KCNMA1: variants seen among roughly 807,000 people sequenced by gnomAD.
KCNMA1 encodes Calcium-activated potassium channel subunit alpha-1.
In KCNMA1, 29 loss-of-function variants were observed where a neutral mutation model predicts 140.0. The observed-to-expected ratio is 0.21, with a 90% CI of 0.15 to 0.28. The LOEUF (loss-of-function observed/expected upper bound fraction) is 0.28. Ranked by LOEUF, KCNMA1 falls within the 10% of genes least tolerant of loss-of-function variation. The pLI, the probability that KCNMA1 is intolerant of heterozygous loss-of-function variation, is 1.00. For missense variants in KCNMA1, 880 were observed against 1,602.2 expected, an observed-to-expected ratio of 0.55 and a Z score of 7.70; for synonymous variants, 612 against 611.9, an observed-to-expected ratio of 1.00 and a Z score of 0.00.
intron 2 of KCNMA1, among the ~76,000 whole-genome samples, chr10:77,256,974 T>G (rs2060907783): frequency 6.6e-6 from 1 of 152,124 alleles, no homozygotes; most frequent in African/African-American, 2.4e-5. Context: ...CCAGGCATGA[T>G]AGCATGTGCC....
intron 9 of KCNMA1, among the ~76,000 whole-genome samples, chr10:77,101,340 T>C (rs951575757): frequency 1.3e-5 from 2 of 152,208 alleles, no homozygotes; most frequent in Non-Finnish European, 2.9e-5. Flanking sequence ...TTGTTTTCCC[T>C]GTTCCCAAGA....
At chr10:77,279,124 T>C (rs973736098) in intron 2 of KCNMA1, among the ~76,000 whole-genome samples, 1 of 152,202 alleles carries the variant, frequency 6.6e-6, no homozygotes, top group African/African-American at 2.4e-5. Flanking sequence ...AAGAATCTCA[T>C]TAAGCTTCGA....
rs906211892 is a variant in KCNMA1 at position 77,063,911 on chromosome 10, T to G, written c.1749+9186A>C. 7 of 985,316 alleles carry G rather than the reference T, an allele frequency of 7.1e-6. No individual in the cohort carries two copies. The African/African-American group carries it at 1.2e-4, about 17-fold the overall frequency. The allele number at this position is 985,316 out of a possible 1,614,324, so 61.0% of individuals were successfully genotyped here. On this transcript the variant is annotated intron_variant, in intron 14 of 27. Transcript: ENST00000286628. ...GATGCTTGGCCAGAGGCTTGTTCAA[T>G]AAGATGGCTCTTATTTCACATCAGT...
intron 29 of KCNMA1, among the ~76,000 whole-genome samples, chr10:76,878,913 C>G (rs994112646): frequency 6.6e-6 from 1 of 152,130 alleles, no homozygotes; most frequent in African/African-American, 2.4e-5. Flanking sequence ...ATATGCCTCA[C>G]TTTAGTGGCT....
At chr10:77,175,983 T>G (rs2098748721) in intron 5 of KCNMA1, among the ~76,000 whole-genome samples, 1 of 152,226 alleles carries the variant, frequency 6.6e-6, no homozygotes, top group African/African-American at 2.4e-5. Context: ...GCTTTCATTC[T>G]TGATTATTCT....
chr10:77,394,413 G>A (rs2095959815), intron 2 of KCNMA1, among the ~76,000 whole-genome samples: 2 of 152,364 alleles, frequency 1.3e-5, no homozygotes, highest in Admixed American at 1.3e-4. Flanking sequence ...GAGCTGAGGT[G>A]CCTGGCCTGC....
chr10:77,278,984 A>G (rs1601010553), intron 2 of KCNMA1, among the ~76,000 whole-genome samples: 1 of 152,272 alleles, frequency 6.6e-6, no homozygotes, highest in East Asian at 1.9e-4. Context: ...GGAATAGTCC[A>G]TTTTAGATGA....
chr10:77,410,648 C>G (rs946156582), intron 1 of KCNMA1, among the ~76,000 whole-genome samples: 1 of 152,244 alleles, frequency 6.6e-6, no homozygotes, highest in Non-Finnish European at 1.5e-5. Context: ...CAAGTGAAGT[C>G]TTCACACCCA....
At chr10:77,505,258 G>A (rs925500135) in intron 1 of KCNMA1, among the ~76,000 whole-genome samples, 7 of 152,212 alleles carry the variant, frequency 4.6e-5, no homozygotes, top group African/African-American at 1.4e-4. Context: ...AAATAGCAGT[G>A]CGGGGTGAAA....
chr10:77,214,478 G>C (rs1184788139), intron 3 of KCNMA1, among the ~76,000 whole-genome samples: 1 of 152,120 alleles, frequency 6.6e-6, no homozygotes, highest in Non-Finnish European at 1.5e-5. Flanking sequence ...GCCCTGTACT[G>C]TCTAACTGTA....
intron 14 of KCNMA1, among the ~76,000 whole-genome samples, chr10:77,059,172 A>G (rs2095649685): frequency 6.6e-6 from 1 of 152,068 alleles, no homozygotes; most frequent in Non-Finnish European, 1.5e-5. Context: ...TAACCTGAAT[A>G]GTCCTATAAC....
At chr10:77,600,568 G>A (rs998580665) in intron 1 of KCNMA1, among the ~76,000 whole-genome samples, 16 of 152,142 alleles carry the variant, frequency 1.1e-4, no homozygotes, top group Non-Finnish European at 2.2e-4. Flanking sequence ...GACCAACATG[G>A]AGAAACCCCA....
intron 14 of KCNMA1, among the ~76,000 whole-genome samples, chr10:77,043,441 C>T (rs746225606): frequency 1.3e-5 from 2 of 152,136 alleles, no homozygotes; most frequent in Non-Finnish European, 2.9e-5. Context: ...ATGGTGGTTC[C>T]TCAAAAAATT....
intron 1 of KCNMA1, among the ~76,000 whole-genome samples, chr10:77,501,352 G>C (rs1198322260): frequency 6.6e-6 from 1 of 152,154 alleles, no homozygotes; most frequent in Non-Finnish European, 1.5e-5. Flanking sequence ...CTGCTCTCCT[G>C]CCTCCCAACA....
intron 1 of KCNMA1, among the ~76,000 whole-genome samples, chr10:77,435,193 C>T (rs1211867217): frequency 6.6e-6 from 1 of 152,036 alleles, no homozygotes; most frequent in African/African-American, 2.4e-5. Flanking sequence ...CCGCCTCAGC[C>T]TCCCAAAGTG....
At chr10:76,968,732 G>A (rs953033393) in intron 20 of KCNMA1, among the ~76,000 whole-genome samples, 1 of 152,154 alleles carries the variant, frequency 6.6e-6, no homozygotes, top group African/African-American at 2.4e-5. Context: ...TGGGTGAAGT[G>A]GAAGGCAGAG....
chr10:77,164,079 C>T (rs1473851982), intron 5 of KCNMA1, among the ~76,000 whole-genome samples: 1 of 152,174 alleles, frequency 6.6e-6, no homozygotes, highest in African/African-American at 2.4e-5. Flanking sequence ...CGGCATTCTG[C>T]AATTTGTCAT....
At chr10:77,224,041 G>C (rs1026859246) in intron 3 of KCNMA1, among the ~76,000 whole-genome samples, 2 of 152,186 alleles carry the variant, frequency 1.3e-5, no homozygotes, top group African/African-American at 4.8e-5. Flanking sequence ...GGGAAGAGGT[G>C]CTGCCCATGA....
intron 3 of KCNMA1, among the ~76,000 whole-genome samples, chr10:77,241,393 C>T (rs1350622075): frequency 6.6e-6 from 1 of 152,140 alleles, no homozygotes; most frequent in African/African-American, 2.4e-5. Context: ...CCTGCAATGC[C>T]AACACTTTGG....
Sources: gnomAD v4.1 joint callset for allele counts (sites outside exome capture counted in the v4.1 genomes callset) on GRCh38, gnomAD v4.1.1 for gene constraint, MANE v1.5 for transcripts, NCBI Gene and HGNC (gene_info 2026-07-23, HGNC 2026-07-21) for gene names.